The following CHSY1 variants were observed in gnomAD, a reference collection of about 807,000 sequenced individuals.
CHSY1 encodes N-acetylgalactosaminyl-proteoglycan 3-beta-glucuronosyltransferase 1.
CHSY1 carries 13 observed loss-of-function variants against 59.8 expected under a neutral mutation model. That is an observed-to-expected ratio of 0.22 (90% CI 0.14 to 0.35). CHSY1 has a LOEUF of 0.35. Ranked by LOEUF, CHSY1 falls within the 10% of genes least tolerant of loss-of-function variation. The pLI, the probability that CHSY1 is intolerant of heterozygous loss-of-function variation, is 1.00. For missense variants in CHSY1, 947 were observed against 1,030.6 expected, an observed-to-expected ratio of 0.92 and a Z score of 1.11; for synonymous variants, 459 against 401.2, an observed-to-expected ratio of 1.14 and a Z score of -1.72.
intron 2 of CHSY1, among the ~76,000 whole-genome samples, chr15:101,186,181 G>A (rs1360631681): frequency 6.6e-6 from 1 of 150,538 alleles, no homozygotes; most frequent in East Asian, 2.0e-4. Context: ...ATAGCCAGGG[G>A]TGGTGGCACA....
intron 2 of CHSY1, among the ~76,000 whole-genome samples, chr15:101,221,579 C>A (rs1248174715): frequency 6.6e-6 from 1 of 152,084 alleles, no homozygotes; most frequent in East Asian, 1.9e-4. Flanking sequence ...ATAAAGTAAC[C>A]AGAATTCTAA....
At chr15:101,209,708 T>C (rs1206414145) in intron 2 of CHSY1, among the ~76,000 whole-genome samples, 4 of 152,214 alleles carry the variant, frequency 2.6e-5, no homozygotes, top group Admixed American at 1.3e-4. Context: ...TTTTCTATGT[T>C]TAATTCTCAG....
At chr15:101,206,291 C>T (rs2038626166) in intron 2 of CHSY1, among the ~76,000 whole-genome samples, 1 of 152,134 alleles carries the variant, frequency 6.6e-6, no homozygotes, top group Non-Finnish European at 1.5e-5. Flanking sequence ...CCCACCAGGT[C>T]TCGAGTCGGC....
At chr15:101,196,738 T>C (rs2038511026) in intron 2 of CHSY1, among the ~76,000 whole-genome samples, 2 of 152,186 alleles carry the variant, frequency 1.3e-5, no homozygotes, top group African/African-American at 4.8e-5. Flanking sequence ...AAACATTCGA[T>C]ATAGGCTGGG....
intron 2 of CHSY1, among the ~76,000 whole-genome samples, chr15:101,228,938 T>C (rs12594781): frequency 2.0e-5 from 3 of 152,110 alleles, no homozygotes; most frequent in Admixed American, 1.3e-4. Flanking sequence ...TATAAAGATA[T>C]AATTTATTTG....
At chr15:101,207,766 T>C (rs540661524) in intron 2 of CHSY1, among the ~76,000 whole-genome samples, 1 of 152,384 alleles carries the variant, frequency 6.6e-6, no homozygotes, top group African/African-American at 2.4e-5. Flanking sequence ...ACACAGGTAG[T>C]ACCTGGAATC....
chr15:101,239,555 T>C (rs186052691), intron 1 of CHSY1, among the ~76,000 whole-genome samples: 316 of 152,294 alleles, frequency 2.1e-3, no homozygotes, highest in Admixed American at 4.4e-3. Flanking sequence ...GTAAACAGCT[T>C]AGAAGCCTGC....
intron 2 of CHSY1, chr15:101,189,391 C>T (rs923090785): frequency 1.0e-6 from 1 of 971,762 alleles, no homozygotes; most frequent in Non-Finnish European, 1.2e-6. Context: ...TGCCAAAGCA[C>T]AAACTAAATC....
chr15:101,242,057 C>G (rs8031113), intron 1 of CHSY1, among the ~76,000 whole-genome samples: 47,443 of 151,982 alleles, frequency 0.31, 10,201 homozygotes, highest in African/African-American at 0.62. Flanking sequence ...TTGTTATTTT[C>G]TATTGTTTTT....
intron 2 of CHSY1, among the ~76,000 whole-genome samples, chr15:101,214,394 T>TA (rs1292902448): frequency 6.6e-6 from 1 of 152,248 alleles, no homozygotes; most frequent in Non-Finnish European, 1.5e-5. Flanking sequence ...GTCCTTTTTT[T>TA]AGGAAGACAT....
intron 2 of CHSY1, among the ~76,000 whole-genome samples, chr15:101,192,635 T>G (rs185199506): frequency 6.2e-4 from 95 of 152,264 alleles, no homozygotes; most frequent in African/African-American, 2.2e-3. Flanking sequence ...CAACTAGAAT[T>G]CTCAGAATTC....
intron 2 of CHSY1, among the ~76,000 whole-genome samples, chr15:101,186,147 CA>C (rs35398576): frequency 0.023 from 1,863 of 79,560 alleles, 26 homozygotes; most frequent in African/African-American, 0.073. Context: ...TTGTCTCTAC[CA>C]AAAAAAAAAA....
intron 2 of CHSY1, among the ~76,000 whole-genome samples, chr15:101,180,630 C>T (rs75317577): frequency 0.018 from 2,685 of 152,270 alleles, 38 homozygotes; most frequent in East Asian, 0.097. Flanking sequence ...GAAAGCAAAT[C>T]TCAAATTCTT....
At chr15:101,211,117 A>G (rs2141260792) in intron 2 of CHSY1, among the ~76,000 whole-genome samples, 1 of 152,340 alleles carries the variant, frequency 6.6e-6, no homozygotes, top group East Asian at 1.9e-4. Flanking sequence ...TGAGGTCAGG[A>G]GTTCATGACC....
At chr15:101,232,813 A>G (rs915434880) in intron 2 of CHSY1, among the ~76,000 whole-genome samples, 9 of 152,212 alleles carry the variant, frequency 5.9e-5, no homozygotes, top group Non-Finnish European at 1.2e-4. Context: ...CACAGAAGAG[A>G]AAAAGAGAGC....
chr15:101,229,181 A>G (rs1329662993), intron 2 of CHSY1, among the ~76,000 whole-genome samples: 2 of 152,250 alleles, frequency 1.3e-5, no homozygotes, highest in Admixed American at 6.5e-5. Flanking sequence ...GACATACAGA[A>G]AACAGCAAAA....
At chr15:101,228,907 T>G (rs2038866793) in intron 2 of CHSY1, among the ~76,000 whole-genome samples, 1 of 152,196 alleles carries the variant, frequency 6.6e-6, no homozygotes, top group Non-Finnish European at 1.5e-5. Context: ...ATTATAAATC[T>G]CTGTTGACTG....
At chr15:101,237,773 A>C (rs766131526) in intron 1 of CHSY1, among the ~76,000 whole-genome samples, 6 of 152,256 alleles carry the variant, frequency 3.9e-5, no homozygotes, top group Non-Finnish European at 7.3e-5. Flanking sequence ...TGGCTATAAT[A>C]ATTCATTCAT....
chr15:101,183,727 G>A (rs932439859), intron 2 of CHSY1, among the ~76,000 whole-genome samples: 5 of 152,240 alleles, frequency 3.3e-5, no homozygotes, highest in Non-Finnish European at 5.9e-5. Context: ...AAACGGGGGA[G>A]GGTGTGGGTG....
Sources: allele counts gnomAD v4.1 joint callset (sites outside exome capture counted in the v4.1 genomes callset), GRCh38; gene constraint gnomAD v4.1.1; transcripts MANE v1.5; gene names NCBI Gene and HGNC (gene_info 2026-07-23, HGNC 2026-07-21).